Variants in FREM3 observed in about 807,000 individuals in gnomAD.
FREM3 encodes FRAS1-related extracellular matrix protein 3.
A neutral mutation model predicts 129.1 loss-of-function variants in FREM3; 105 were observed. The ratio of observed to expected loss-of-function variants is 0.81; its 90% CI spans 0.69 to 0.96. The LOEUF is 0.96. Ranked by LOEUF, FREM3 falls within the 40% of genes least tolerant of loss-of-function variation. The pLI is 0.00. For missense variants in FREM3, 2,593 were observed against 2,666.3 expected (o/e 0.97, Z 0.61); for synonymous variants, 1,014 against 1,044.9 (o/e 0.97, Z 0.57).
At chr4:143,691,519 G>A (rs57648439) in intron 2 of FREM3, among the ~76,000 whole-genome samples, 42,701 of 152,068 alleles carry the variant, frequency 0.28, 6,426 homozygotes, top group Middle Eastern at 0.35. Context: ...ACAGATTTGC[G>A]TTGGCAGTTA....
chr4:143,647,525 T>G lies in FREM3; in HGVS notation c.5276-19765A>C, dbSNP rs201815848. Among the ~76,000 whole-genome samples, 13 of 152,312 alleles carry G rather than the reference T, an allele frequency of 8.5e-5. No individual in the cohort carries two copies. The East Asian group carries it at 2.1e-3, about 25-fold the overall frequency. ...TGTTTTGTGGGATGGGCCCAGGGCC[T>G]TGCTGCTTTGTGTGGTCTTGGGACT... On this transcript the variant is annotated intron_variant, in intron 2 of 7. Coordinates refer to ENST00000329798, the MANE Select transcript of FREM3 (RefSeq NM_001168235.2).
At chr4:143,595,395 G>GT (rs1170080331) in intron 6 of FREM3, among the ~76,000 whole-genome samples, 1 of 151,578 alleles carries the variant, frequency 6.6e-6, no homozygotes, top group African/African-American at 2.4e-5. Flanking sequence ...CCAATTCAAT[G>GT]TTTTTTTAAA....
In FREM3 at chr4:143,699,501, G is replaced by A. The variant is rs558827854; in HGVS notation, c.1175C>T (p.Pro392Leu). 7.8e-6 allele frequency: 12 copies of A among 1,537,306 alleles called. No homozygotes were observed. The highest frequency in any genetic ancestry group is 1.4e-5 in the African/African-American group (1 of 73,176). Residue 392 changes from proline to leucine, a missense_variant, in exon 1 of 8, where the codon CCT (proline) becomes CTT (leucine). This residue lies in a region of FREM3 where 2,276 missense variants were observed against 2,267.2 expected (regional missense o/e 1.00). Coordinates refer to ENST00000329798, the MANE Select transcript of FREM3 (RefSeq NM_001168235.2). This position sits in a 1 kb window ranked among gnomAD's most constrained non-coding sequence, Gnocchi z 4.2. ...LRELKIAYQP[P>L]AENSHGERLF... ...GCGCTCCCCATGGGAGTTCTCTGCAGGGGGCTGATAGGCAATCTTCAGCTC... is the reference window on the plus strand; with the variant it reads ...GCGCTCCCCATGGGAGTTCTCTGCAAGGGGCTGATAGGCAATCTTCAGCTC...
chr4:143,608,483 G>A (rs1449920934), intron 6 of FREM3, among the ~76,000 whole-genome samples: 1 of 152,082 alleles, frequency 6.6e-6, no homozygotes, highest in Non-Finnish European at 1.5e-5. Flanking sequence ...TTTCAGGTAA[G>A]CTCTGGTGTT....
intron 6 of FREM3, among the ~76,000 whole-genome samples, chr4:143,609,308 C>A (rs908317683): frequency 6.6e-6 from 1 of 152,170 alleles, no homozygotes; most frequent in African/African-American, 2.4e-5. Flanking sequence ...GAAGACTGTT[C>A]TGACGCCAAT....
chr4:143,651,945 T>C (rs1473593636), intron 2 of FREM3, among the ~76,000 whole-genome samples: 1 of 152,192 alleles, frequency 6.6e-6, no homozygotes, highest in African/African-American at 2.4e-5. Flanking sequence ...GCATTTTTTG[T>C]AATATCTGAA....
chr4:143,659,495 C>T (rs1739664679), intron 2 of FREM3, among the ~76,000 whole-genome samples: 4 of 152,124 alleles, frequency 2.6e-5, no homozygotes, highest in Admixed American at 1.3e-4. Context: ...TGGACATTGG[C>T]ATTGGTTCCA....
At chr4:143,630,831 C>A (rs1164145069) in intron 2 of FREM3, among the ~76,000 whole-genome samples, 1 of 152,106 alleles carries the variant, frequency 6.6e-6, no homozygotes, top group African/African-American at 2.4e-5. Flanking sequence ...AGGTGAAGTC[C>A]ATCTACAGAT....
In FREM3 at chr4:143,609,928, T is replaced by C. The variant is rs569139862; in HGVS notation, c.6028+1351A>G. ...GGAAAATCAAGGCTAATTTTCCTGT[T>C]GGACACTTCCTCCTATCTCTTTGGT... On this transcript the variant is annotated intron_variant, in intron 6 of 7. Coordinates refer to ENST00000329798, the MANE Select transcript of FREM3 (RefSeq NM_001168235.2). 3.3e-5 allele frequency among the ~76,000 whole-genome samples: 5 copies of C among 152,360 alleles called. No homozygotes were observed. The South Asian group carries it at 1.0e-3, about 32-fold the overall frequency.
At chr4:143,589,620 A>G (rs1738317417) in intron 6 of FREM3, among the ~76,000 whole-genome samples, 1 of 152,184 alleles carries the variant, frequency 6.6e-6, no homozygotes, top group African/African-American at 2.4e-5. Context: ...TGGTACCACT[A>G]CCATGCTGTT....
chr4:143,678,661 GC>G (rs951866766), intron 2 of FREM3, among the ~76,000 whole-genome samples: 5 of 152,010 alleles, frequency 3.3e-5, no homozygotes. Flanking sequence ...TATTTCTGGT[GC>G]TAAGAAAAAG....
chr4:143,662,193 T>G (rs190210010), intron 2 of FREM3, among the ~76,000 whole-genome samples: 1 of 152,204 alleles, frequency 6.6e-6, no homozygotes, highest in Non-Finnish European at 1.5e-5. Context: ...GGTGTCAGTT[T>G]TGGATCTTTC....
chr4:143,639,891 T>C lies in FREM3; in HGVS notation c.5276-12131A>G, dbSNP rs1376828060. On this transcript the variant is annotated intron_variant, in intron 2 of 7. Coordinates refer to ENST00000329798, the MANE Select transcript of FREM3 (RefSeq NM_001168235.2). ...ACCTGCAGTTTAGTAACTGTGCCTT[T>C]CTTGAGGTCACAGTGCTAGTAAAAA... Among the ~76,000 whole-genome samples the C allele has an allele frequency of 2.6e-5, 4 of 152,148 alleles. No individual in the cohort carries two copies. The South Asian group carries it at 6.2e-4, about 24-fold the overall frequency.
At chr4:143,578,006 G>A (rs1057368093) in intron 7 of FREM3, among the ~76,000 whole-genome samples, 154 bp from the exon 8 acceptor site, 2 of 152,202 alleles carry the variant, frequency 1.3e-5, no homozygotes, top group Non-Finnish European at 2.9e-5. Flanking sequence ...CCAGAAGGGG[G>A]AACTTCCATA....
At chr4:143,596,442 T>C (rs561211512) in intron 6 of FREM3, among the ~76,000 whole-genome samples, 2 of 152,168 alleles carry the variant, frequency 1.3e-5, no homozygotes, top group African/African-American at 2.4e-5. Context: ...GTAGCACTTC[T>C]GGGATGCCCT....
chr4:143,613,540 CAAGAT>C (rs1402444156), intron 5 of FREM3, among the ~76,000 whole-genome samples: 3 of 152,136 alleles, frequency 2.0e-5, no homozygotes, highest in Non-Finnish European at 2.9e-5. Flanking sequence ...GAAAGGCTCT[CAAGAT>C]GAGATGAAAC....
At chr4:143,680,114 T>TA (rs894149216) in intron 2 of FREM3, among the ~76,000 whole-genome samples, 8 of 151,610 alleles carry the variant, frequency 5.3e-5, no homozygotes, top group Non-Finnish European at 8.8e-5. Context: ...CAAGAAAATG[T>TA]AAAAAAAAGC....
At position 143,696,179 on chromosome 4, in the gene FREM3, G is replaced by T; in HGVS notation, c.4497C>A (p.Val1499=). ...LQLASNKISY[V]HTSNDEKKMD... Reference sequence around the variant, plus strand: ...TCTTTTTCTCATCATTTGAAGTATGGACATAGGATATTTTGTTGCTAGCCA... The same window carrying T: ...TCTTTTTCTCATCATTTGAAGTATGTACATAGGATATTTTGTTGCTAGCCA... The change falls in exon 1 of 8, where the codon GTC becomes GTA. Residue 1499 remains valine (V), a synonymous_variant. Coordinates refer to ENST00000329798, the MANE Select transcript of FREM3 (RefSeq NM_001168235.2). 2 of 1,537,784 alleles carry T rather than the reference G, an allele frequency of 1.3e-6. No individual in the cohort carries two copies. The highest frequency in any genetic ancestry group is 2.4e-5 in the South Asian group (2 of 84,050).
intron 2 of FREM3, among the ~76,000 whole-genome samples, chr4:143,688,650 C>T (rs765381034): frequency 2.6e-5 from 4 of 152,136 alleles, no homozygotes; most frequent in Admixed American, 6.6e-5. Context: ...GTCACTAATA[C>T]GGCGTGGTAC....
Sources: allele counts gnomAD v4.1 joint callset (sites outside exome capture counted in the v4.1 genomes callset), GRCh38; gene constraint gnomAD v4.1.1; regional missense constraint gnomAD v4.1.1; non-coding constraint Gnocchi (gnomAD v3.1); transcripts MANE v1.5; gene names NCBI Gene and HGNC (gene_info 2026-07-23, HGNC 2026-07-21).